Variants in STAMBPL1 observed in about 807,000 individuals in gnomAD.
STAMBPL1 encodes the protein AMSH-like protease.
A neutral mutation model predicts 52.9 loss-of-function variants in STAMBPL1; 44 were observed. The ratio of observed to expected loss-of-function variants is 0.83; its 90% confidence interval spans 0.65 to 1.07. The LOEUF (loss-of-function observed/expected upper bound fraction) is 1.07. Among genes scored for constraint, STAMBPL1 ranks in the 50% least tolerant of loss-of-function variants. The pLI is 0.00. For synonymous variants in STAMBPL1, 164 were observed against 177.3 expected (o/e 0.92, Z 0.60); for missense variants, 511 against 520.8 (o/e 0.98, Z 0.18).
In STAMBPL1 at chr10:88,921,291, C is replaced by T. The variant is rs34083181; in HGVS notation, c.1050C>T (p.Pro350=). 0.01 allele frequency: 16,921 copies of T among 1,612,138 alleles called. 229 individuals are homozygous for T. Among genetic ancestry groups the T allele is most frequent in the South Asian group, 0.047 (4,321 of 90,994 alleles). Residue 350 remains proline (P), a synonymous_variant, in exon 9 of 11, where the codon CCC becomes CCT. Coordinates refer to ENST00000371926, the MANE Select transcript of STAMBPL1 (RefSeq NM_020799.4). ...LLTLGWIHTH[P]TQTAFLSSVD... ...TTATTTTCTATTTATAGACACATCCCACTCAAACTGCATTTTTATCCAGCG... is the reference window on the plus strand; with the variant it reads ...TTATTTTCTATTTATAGACACATCCTACTCAAACTGCATTTTTATCCAGCG...
chr10:88,883,674 T>C (rs921940787), intron 1 of STAMBPL1, among the ~76,000 whole-genome samples: 7 of 152,262 alleles, frequency 4.6e-5, no homozygotes, highest in African/African-American at 1.7e-4. Context: ...TGTTTGATGC[T>C]CTAACTTTTA....
intron 2 of STAMBPL1, among the ~76,000 whole-genome samples, chr10:88,904,019 T>C (rs1368773780): frequency 3.3e-5 from 5 of 152,246 alleles, no homozygotes. Flanking sequence ...CACTATACCC[T>C]GTCCCTGAAG....
At chr10:88,883,995 T>C (rs2133112220) in intron 1 of STAMBPL1, among the ~76,000 whole-genome samples, 1 of 152,306 alleles carries the variant, frequency 6.6e-6, no homozygotes, top group Middle Eastern at 3.4e-3. Context: ...ATTAGAAAGC[T>C]ATCTGAAATT....
At chr10:88,886,192 T>C (rs1000672394) in intron 1 of STAMBPL1, among the ~76,000 whole-genome samples, 5 of 152,216 alleles carry the variant, frequency 3.3e-5, no homozygotes, top group African/African-American at 7.2e-5. Flanking sequence ...AAACTAGCAA[T>C]CATCTGGGTA....
chr10:88,923,390 T>G lies in STAMBPL1; in HGVS notation c.*166T>G, dbSNP rs2133226120. On this transcript the variant is annotated 3_prime_UTR_variant, in exon 11 of 11. Coordinates refer to ENST00000371926, the MANE Select transcript of STAMBPL1 (RefSeq NM_020799.4). Reference sequence around the variant, plus strand: ...GTTGCACATTTTAAAGTTTTCTTTTTGGGTTGCTCTGTGTCAAGAGAGGTT... The same window carrying G: ...GTTGCACATTTTAAAGTTTTCTTTTGGGGTTGCTCTGTGTCAAGAGAGGTT... 1.5e-6 allele frequency: 2 copies of G among 1,372,044 alleles called. No homozygotes were observed. Among genetic ancestry groups the G allele is most frequent in the Non-Finnish European group, 1.9e-6 (2 of 1,069,524 alleles). 85.0% of individuals were successfully genotyped at this position (1,372,044 alleles called of 1,614,324 possible).
At chr10:88,890,966 T>G (rs1844666263) in intron 1 of STAMBPL1, among the ~76,000 whole-genome samples, 1 of 152,250 alleles carries the variant, frequency 6.6e-6, no homozygotes, top group African/African-American at 2.4e-5. Context: ...AATAAATATG[T>G]ACTAAGTGCC....
intron 1 of STAMBPL1, among the ~76,000 whole-genome samples, chr10:88,900,309 A>G (rs1171135165): frequency 1.3e-5 from 2 of 152,222 alleles, no homozygotes; most frequent in African/African-American, 2.4e-5. Flanking sequence ...TGAGGAGAAG[A>G]TCCATGTTCA....
Position 88,913,184 on chromosome 10 carries a change from C to G in STAMBPL1, c.504C>G (p.Arg168=). The change falls in exon 6 of 11, where the codon CGC becomes CGG. Residue 168 remains arginine, a synonymous_variant. Coordinates refer to ENST00000371926, the MANE Select transcript of STAMBPL1 (RefSeq NM_020799.4). The part of the protein sequence containing the change: ...EAERKRIAQM[R]QQQLESEQFL... The stretch of plus-strand genomic sequence containing the variant: ...AAAGGAAGCGGATTGCTCAGATGCG[C>G]CAGCAGCAGCTAGAATCGGAGCAGT... 6.2e-7 allele frequency: 1 copy of G among 1,613,774 alleles called. No homozygotes were observed.
chr10:88,916,730 G>A lies in STAMBPL1; in HGVS notation c.954G>A (p.Ala318=), dbSNP rs183704316. 1.8e-5 allele frequency: 29 copies of A among 1,609,264 alleles called. No individual in the cohort carries two copies. The highest frequency in any genetic ancestry group is 3.3e-5 in the South Asian group (3 of 90,366). ...ITHVIVPKQS[A]GPDYCDMENV... ...ATGTAATTGTGCCAAAGCAGTCTGC[G>A]GGACCAGACTATTGTGACATGGAGA... Residue 318 remains alanine (A), a synonymous_variant, in exon 8 of 11, where the codon GCG becomes GCA. Transcript: ENST00000371926.
intron 5 of STAMBPL1, among the ~76,000 whole-genome samples, chr10:88,912,162 T>A (rs867596252): frequency 2.6e-5 from 4 of 152,268 alleles, no homozygotes; most frequent in Non-Finnish European, 5.9e-5. Flanking sequence ...ATTTGGAAGC[T>A]TGTTAGACAC....
chr10:88,902,023 TGATATC>T (rs1201864785), intron 2 of STAMBPL1, among the ~76,000 whole-genome samples: 1 of 152,236 alleles, frequency 6.6e-6, no homozygotes, highest in East Asian at 1.9e-4. Context: ...ATTTCAGAGT[TGATATC>T]TGAGGAGCTA....
chr10:88,891,348 A>G (rs1844677803), intron 1 of STAMBPL1, among the ~76,000 whole-genome samples: 1 of 152,242 alleles, frequency 6.6e-6, no homozygotes, highest in South Asian at 2.1e-4. Flanking sequence ...AAAATTAAAC[A>G]GCTTTCAAGC....
At chr10:88,901,331 T>C (rs1168216466) in intron 1 of STAMBPL1, 2 of 164,718 alleles carry the variant, frequency 1.2e-5, no homozygotes, top group African/African-American at 4.8e-5. Context: ...ATTATCTTCT[T>C]TATTCCTTTG....
At chr10:88,913,528 G>T in intron 6 of STAMBPL1, 70 bp downstream of exon 6, 1 of 1,326,118 alleles carries the variant, frequency 7.5e-7, no homozygotes. Context: ...TATAGCATCT[G>T]GGAGGGTCCT....
chr10:88,912,485 T>G (rs1363984293), intron 5 of STAMBPL1: 1 of 152,238 alleles, frequency 6.6e-6, no homozygotes, highest in Non-Finnish European at 1.5e-5. Context: ...CATTTTTTAG[T>G]GATTCCTTCT....
intron 5 of STAMBPL1, among the ~76,000 whole-genome samples, chr10:88,911,506 C>T (rs1451411354): frequency 6.6e-6 from 1 of 152,158 alleles, no homozygotes; most frequent in Non-Finnish European, 1.5e-5. Flanking sequence ...GTGGTGGCTT[C>T]TGGATTGTTA....
chr10:88,885,064 G>A (rs951866277), intron 1 of STAMBPL1, among the ~76,000 whole-genome samples: 1 of 152,172 alleles, frequency 6.6e-6, no homozygotes, highest in Non-Finnish European at 1.5e-5. Context: ...TTATGCCTAA[G>A]TACCATTTTG....
At chr10:88,911,433 G>A (rs1845222625) in intron 5 of STAMBPL1, among the ~76,000 whole-genome samples, 1 of 152,208 alleles carries the variant, frequency 6.6e-6, no homozygotes, top group Admixed American at 6.5e-5. Context: ...GTTACAGTCA[G>A]TATTGCATTG....
At chr10:88,899,916 C>A (rs532637746) in intron 1 of STAMBPL1, among the ~76,000 whole-genome samples, 5 of 152,176 alleles carry the variant, frequency 3.3e-5, no homozygotes, top group Non-Finnish European at 7.3e-5. Context: ...GTCTTTTTAA[C>A]GCTTTTAACG....
Sources: gnomAD v4.1 joint callset for allele counts (sites outside exome capture counted in the v4.1 genomes callset) on GRCh38, gnomAD v4.1.1 for gene constraint, MANE v1.5 for transcripts, NCBI Gene and HGNC (gene_info 2026-07-23, HGNC 2026-07-21) for gene names.